CEP104: variants seen among roughly 807,000 people sequenced by gnomAD.
CEP104 encodes centrosomal protein 104.
A neutral mutation model predicts 113.3 loss-of-function variants in CEP104; 84 were observed. The ratio of observed to expected loss-of-function variants is 0.74; its 90% CI spans 0.62 to 0.89. CEP104 has a LOEUF of 0.89. Among genes scored for constraint, CEP104 ranks in the 40% least tolerant of loss-of-function variants. CEP104 has a pLI of 0.00. For synonymous variants in CEP104, 378 were observed against 421.7 expected, an observed-to-expected ratio of 0.90 and a Z score of 1.27; for missense variants, 1,053 against 1,156.6, an observed-to-expected ratio of 0.91 and a Z score of 1.30.
At position 3,830,107 on chromosome 1, in the gene CEP104, G is replaced by A. The variant is rs971798414; in HGVS notation, c.1837-110C>T. On this transcript the variant is annotated intron_variant, in intron 13 of 21. Transcript: ENST00000378230. The stretch of plus-strand genomic sequence containing the variant: ...GTGAAAAATAAAAGAGAAAACATCC[G>A]TATTAAGTATTATGAAATACTTCAA... 41 of 748,792 alleles carry A rather than the reference G, an allele frequency of 5.5e-5. No homozygotes were observed. The Middle Eastern group carries it at 1.3e-3, about 25-fold the overall frequency. 46.4% of individuals were successfully genotyped at this position (748,792 alleles called of 1,614,324 possible).
chr1:3,833,406 G>C (rs536554009), intron 12 of CEP104, among the ~76,000 whole-genome samples: 4 of 152,272 alleles, frequency 2.6e-5, no homozygotes, highest in African/African-American at 9.6e-5. Flanking sequence ...GAATTCATTA[G>C]CTAGTTTAAA....
rs1644478716 is a variant in CEP104, at chr1:3,844,890, G to C, written c.566+17C>G. On this transcript the variant is annotated intron_variant, in intron 6 of 21. Coordinates refer to ENST00000378230, the MANE Select transcript of CEP104 (RefSeq NM_014704.4). ...GGAAAGTAAAAGAAGTTCATTGATG[G>C]GGAGCAGGACTCTTACCTGGCGTAC... The C allele has an allele frequency of 1.8e-5, 29 of 1,601,104 alleles. No individual in the cohort carries two copies. The highest frequency in any genetic ancestry group is 2.4e-5 in the Non-Finnish European group (28 of 1,168,166).
At chr1:3,816,416 C>CT in intron 20 of CEP104, 46 bp from the exon 21 acceptor site, 1 of 1,461,354 alleles carries the variant, frequency 6.8e-7, no homozygotes, top group East Asian at 2.5e-5. Context: ...CGAGACGGAC[C>CT]TGGCACGCTA....
At position 3,837,439 on chromosome 1, in the gene CEP104, T is replaced by C. The variant is rs377096552; in HGVS notation, c.972A>G (p.Leu324=). 4.3e-6 allele frequency: 7 copies of C among 1,614,170 alleles called. No homozygotes were observed. Among genetic ancestry groups the C allele is most frequent in the Non-Finnish European group, 5.9e-6 (7 of 1,180,028 alleles). Residue 324 remains leucine (L), a synonymous_variant, in exon 9 of 22, where the codon CTA becomes CTG. Coordinates refer to ENST00000378230, the MANE Select transcript of CEP104 (RefSeq NM_014704.4). ...CTGTTCCTCTTTCTTCCAGTTGTGG[T>C]AGTGAGGGCATTGGCTTTTGGTGGC... The part of the protein sequence containing the change: ...SPCHQKPMPS[L]PQLEERGTEN...
intron 13 of CEP104, among the ~76,000 whole-genome samples, chr1:3,830,532 G>A (rs1326682360): frequency 6.6e-6 from 1 of 152,134 alleles, no homozygotes; most frequent in Admixed American, 6.5e-5. Flanking sequence ...CCAGCACTTT[G>A]GGAGGCTGAG....
chr1:3,845,258 T>C (rs373251290), intron 5 of CEP104, 31 bp downstream of exon 5: 16 of 1,445,210 alleles, frequency 1.1e-5, no homozygotes, highest in Non-Finnish European at 1.5e-5. Flanking sequence ...ATAGATTTAC[T>C]TCCTTAGGAA....
rs780478231 is a variant in CEP104, at chr1:3,836,649, C to T, written c.1163G>A (p.Arg388His). The change falls in exon 10 of 22, where the codon CGT becomes CAT. Residue 388 changes from arginine to histidine, a missense_variant. Arg to His is a conservative substitution (Grantham distance 29, BLOSUM62 0). Transcript: ENST00000378230. ...CACCACTGCCTCCCCATAATGCTTA[C>T]GAATAGCTGGAAGAGGCCGCTCATC... ...PYDERPLPAI[R>H]KHYGEAVVEP... is the part of the protein sequence containing the mutation. The T allele has an allele frequency of 9.9e-6, 16 of 1,613,650 alleles. No homozygotes were observed. The East Asian group carries it at 1.1e-4, about 11-fold the overall frequency.
At chr1:3,843,801 G>A (rs991389231) in intron 6 of CEP104, among the ~76,000 whole-genome samples, 8 of 150,800 alleles carry the variant, frequency 5.3e-5, no homozygotes, top group African/African-American at 1.2e-4. Context: ...TTGCTCTATC[G>A]CCCAGGTTGG....
chr1:3,830,448 C>T (rs1026295206), intron 13 of CEP104, among the ~76,000 whole-genome samples: 1 of 152,274 alleles, frequency 6.6e-6, no homozygotes, highest in African/African-American at 2.4e-5. Context: ...TCAACCTGTA[C>T]CTGATATTCT....
chr1:3,819,922 G>A lies in CEP104; in HGVS notation c.2571+3252C>T, dbSNP rs1328404213. The stretch of plus-strand genomic sequence containing the variant: ...GCCTCTAGGAGTTGAGTGGCTCCGG[G>A]TTGACAGCCCCCAAGAACATATTAC... On this transcript the variant is annotated intron_variant, in intron 20 of 21. Coordinates refer to ENST00000378230, the MANE Select transcript of CEP104 (RefSeq NM_014704.4). This position sits in a 1 kb window ranked among gnomAD's most constrained non-coding sequence, Gnocchi z 4.6. Among the ~76,000 whole-genome samples, 1 of 152,178 alleles carries A rather than the reference G, an allele frequency of 6.6e-6. No individual in the cohort carries two copies. Among genetic ancestry groups the A allele is most frequent in the Non-Finnish European group, 1.5e-5 (1 of 68,026 alleles).
At chr1:3,849,321 G>C (rs1043517391) in intron 2 of CEP104, among the ~76,000 whole-genome samples, 3 of 151,232 alleles carry the variant, frequency 2.0e-5, no homozygotes, top group Admixed American at 6.6e-5. Flanking sequence ...AGGCTGCAGC[G>C]GTGTGATTAT....
chr1:3,856,269 C>G lies in CEP104; in HGVS notation c.-15+620G>C, dbSNP rs193035478. Among the ~76,000 whole-genome samples the G allele has an allele frequency of 3.4e-4, 52 of 152,228 alleles. 1 individual carries two copies. Among genetic ancestry groups the G allele is most frequent in the Admixed American group, 1.1e-3 (17 of 15,298 alleles). On this transcript the variant is annotated intron_variant, in intron 1 of 21. Coordinates refer to ENST00000378230, the MANE Select transcript of CEP104 (RefSeq NM_014704.4). ...ACTAAAAATAAAAAAATTAGTCGGG[C>G]TACTCGGGAGGCTGAGGCAGGAGAA...
intron 6 of CEP104, among the ~76,000 whole-genome samples, chr1:3,844,322 G>A (rs545162776): frequency 6.6e-6 from 1 of 152,210 alleles, no homozygotes; most frequent in East Asian, 1.9e-4. Context: ...AAATGAAGGT[G>A]TGTGGCTGGG....
intron 20 of CEP104, among the ~76,000 whole-genome samples, chr1:3,820,970 G>C (rs980699413): frequency 1.3e-5 from 2 of 152,238 alleles, no homozygotes; most frequent in Non-Finnish European, 2.9e-5. Context: ...AAAGCCTGCA[G>C]CTCAGAACGG....
intron 2 of CEP104, 47 bp from the exon 3 acceptor site, chr1:3,848,828 G>A (rs1162940332): frequency 6.6e-7 from 1 of 1,512,654 alleles, no homozygotes; most frequent in Non-Finnish European, 9.0e-7. Context: ...TTCTGCAGAG[G>A]GTTTCTAGAT....
intron 6 of CEP104, chr1:3,843,080 G>A (rs1570831017): frequency 1.1e-5 from 6 of 554,914 alleles, no homozygotes; most frequent in Admixed American, 3.2e-5. Flanking sequence ...GCGACATAAC[G>A]CTCAGCCTAA....
rs113041467 is a variant in CEP104, at chr1:3,815,090, C to T, written c.*312G>A. 6.7e-4 allele frequency: 227 copies of T among 339,342 alleles called. No individual in the cohort carries two copies. The highest frequency in any genetic ancestry group is 1.1e-3 in the Non-Finnish European group (194 of 182,982). The allele number at this position is 339,342 out of a possible 1,614,324, so 21.0% of individuals were successfully genotyped here. A position where few individuals can be genotyped will look rare whatever the true frequency, so the allele number is the denominator to read the frequency against. On this transcript the variant is annotated 3_prime_UTR_variant, in exon 22 of 22. Transcript: ENST00000378230. ...ACCGTGGCCTTGCGCGAGCGCCTCC[C>T]GGCGGTGCTCTCTGGCTCTCTCCAA...
At chr1:3,855,992 T>A in intron 1 of CEP104, 1 of 964,968 alleles carries the variant, frequency 1.0e-6, no homozygotes, top group Non-Finnish European at 1.2e-6. Context: ...TCACTACACT[T>A]TTCCTAGTGC....
At chr1:3,835,365 G>C (rs12093010) in intron 10 of CEP104, among the ~76,000 whole-genome samples, 1 of 152,054 alleles carries the variant, frequency 6.6e-6, no homozygotes, top group African/African-American at 2.4e-5. Flanking sequence ...TGAGAACGAG[G>C]GAAAACCCTA....
Sources: gnomAD v4.1 joint callset for allele counts (sites outside exome capture counted in the v4.1 genomes callset) on GRCh38, gnomAD v4.1.1 for gene constraint, Gnocchi (gnomAD v3.1) non-coding constraint, MANE v1.5 for transcripts, NCBI Gene and HGNC (gene_info 2026-07-23, HGNC 2026-07-21) for gene names.